The following SCMH1 variants were observed in gnomAD, a reference collection of about 807,000 sequenced individuals.
The protein encoded by SCMH1 is Scm polycomb group protein homolog 1.
Under a neutral mutation model 70.8 loss-of-function variants are expected in SCMH1, and 37 were observed. That is an observed-to-expected ratio of 0.52 (90% CI 0.40 to 0.69). The LOEUF is 0.69. Ranked by LOEUF, SCMH1 falls within the 30% of genes least tolerant of loss-of-function variation. The pLI is 0.00. For missense variants in SCMH1, 607 were observed against 827.3 expected, an observed-to-expected ratio of 0.73 and a Z score of 3.27; for synonymous variants, 292 against 307.4, an observed-to-expected ratio of 0.95 and a Z score of 0.52.
At chr1:41,072,261 G>A (rs1656805284) in intron 9 of SCMH1, among the ~76,000 whole-genome samples, 1 of 152,164 alleles carries the variant, frequency 6.6e-6, no homozygotes, top group Admixed American at 6.5e-5. Context: ...AATGAGTCAG[G>A]GAAGAAGGGA....
chr1:41,056,549 A>G (rs1479969139), intron 10 of SCMH1, among the ~76,000 whole-genome samples: 1 of 152,158 alleles, frequency 6.6e-6, no homozygotes, highest in Admixed American at 6.5e-5. Flanking sequence ...GGAAGTTGCC[A>G]CTCCATCCTA....
chr1:41,059,273 C>A (rs1381616252), intron 10 of SCMH1, among the ~76,000 whole-genome samples: 2 of 152,238 alleles, frequency 1.3e-5, no homozygotes, highest in African/African-American at 4.8e-5. Context: ...AACAGGCATT[C>A]CTGTTTTCGT....
chr1:41,046,588 G>A (rs144177539), exon 12 of SCMH1: 169 of 1,613,962 alleles, frequency 1.0e-4, no homozygotes, highest in Non-Finnish European at 1.3e-4. Flanking sequence ...GCTGTTCCCG[G>A]TCAAACACGG....
intron 1 of SCMH1, among the ~76,000 whole-genome samples, chr1:41,206,799 C>T (rs1294731896): frequency 6.6e-6 from 1 of 152,158 alleles, no homozygotes; most frequent in Non-Finnish European, 1.5e-5. Context: ...AGAGAAAGGT[C>T]GGGTTACCCA....
chr1:41,192,524 A>ACACACACACACACC (rs1491041164), intron 1 of SCMH1, among the ~76,000 whole-genome samples: 1 of 149,192 alleles, frequency 6.7e-6, no homozygotes, highest in Non-Finnish European at 1.5e-5. Context: ...ACACACACAC[A>ACACACACACACACC]CCACTTAGAA....
At chr1:41,090,910 G>T (rs1294979667) in intron 8 of SCMH1, among the ~76,000 whole-genome samples, 1 of 151,814 alleles carries the variant, frequency 6.6e-6, no homozygotes, top group Non-Finnish European at 1.5e-5. Context: ...GCAGTGGCGG[G>T]TGCCTGTAGT....
At chr1:41,087,614 C>T (rs993413069) in intron 8 of SCMH1, among the ~76,000 whole-genome samples, 1 of 151,758 alleles carries the variant, frequency 6.6e-6, no homozygotes, top group African/African-American at 2.4e-5. Flanking sequence ...TATTGAGAAA[C>T]CAGTTCTCAC....
At chr1:41,119,449 C>CA (rs71062577) in intron 6 of SCMH1, among the ~76,000 whole-genome samples, 149 of 67,946 alleles carry the variant, frequency 2.2e-3, no homozygotes, top group East Asian at 4.8e-3. Context: ...AAAAAAAAAA[C>CA]AAAAAAAAAA....
chr1:41,175,774 C>A (rs142090567), intron 2 of SCMH1, among the ~76,000 whole-genome samples: 262 of 152,234 alleles, frequency 1.7e-3, no homozygotes, highest in Admixed American at 2.9e-3. Context: ...AAGTGTTTGC[C>A]TTCTCTCCTG....
intron 11 of SCMH1, 41 bp downstream of exon 11, chr1:41,048,649 T>G (rs1647129862): frequency 6.4e-7 from 1 of 1,560,808 alleles, no homozygotes; most frequent in Non-Finnish European, 8.8e-7. Flanking sequence ...AGAAGGTGGG[T>G]CCTTCTGGCT....
At chr1:41,028,511 C>G (rs1644049104) in intron 14 of SCMH1, 73 bp downstream of exon 15, 1 of 1,584,298 alleles carries the variant, frequency 6.3e-7, no homozygotes, top group African/African-American at 1.3e-5. Context: ...CCTCCCCAAA[C>G]ATCTCGTATT....
At chr1:41,210,347 G>GA (rs1656709246) in intron 1 of SCMH1, among the ~76,000 whole-genome samples, 1 of 151,854 alleles carries the variant, frequency 6.6e-6, no homozygotes, top group Non-Finnish European at 1.5e-5. Context: ...TGCAAAATTG[G>GA]AAAAAAACTA....
At chr1:41,076,977 C>T (rs1056058848) in intron 8 of SCMH1, among the ~76,000 whole-genome samples, 1 of 151,888 alleles carries the variant, frequency 6.6e-6, no homozygotes, top group Non-Finnish European at 1.5e-5. Context: ...GTGAGAGGGA[C>T]GAGAGTAGAA....
chr1:41,126,462 C>T (rs567984619), intron 6 of SCMH1, among the ~76,000 whole-genome samples: 42 of 152,274 alleles, frequency 2.8e-4, no homozygotes, highest in African/African-American at 9.9e-4. Context: ...AAAAGCCTCA[C>T]TCTTATCCCA....
intron 8 of SCMH1, among the ~76,000 whole-genome samples, chr1:41,092,807 T>A (rs1480290220): frequency 1.3e-5 from 2 of 151,878 alleles, no homozygotes; most frequent in African/African-American, 4.8e-5. Context: ...GAAATGCAAA[T>A]CAAAACCACA....
intron 13 of SCMH1, 144 bp downstream of exon 14, chr1:41,033,839 G>A: frequency 8.9e-7 from 1 of 1,125,096 alleles, no homozygotes; most frequent in South Asian, 1.6e-5. Context: ...ACAGACTCAT[G>A]GTGGGTTTCC....
chr1:41,115,274 C>G (rs1455675796), intron 7 of SCMH1, among the ~76,000 whole-genome samples: 1 of 152,200 alleles, frequency 6.6e-6, no homozygotes, highest in Admixed American at 6.5e-5. Context: ...TTCAAATATT[C>G]CCTAGTGATT....
intron 8 of SCMH1, among the ~76,000 whole-genome samples, chr1:41,091,379 T>C (rs1050290265): frequency 7.2e-5 from 11 of 152,208 alleles, no homozygotes; most frequent in Non-Finnish European, 1.0e-4. Context: ...ATTGATGGGA[T>C]GTATCTCAAA....
intron 1 of SCMH1, among the ~76,000 whole-genome samples, chr1:41,216,439 T>C (rs544889192): frequency 6.6e-6 from 1 of 152,308 alleles, no homozygotes; most frequent in African/African-American, 2.4e-5. Context: ...CCACCAGGAC[T>C]CTTCTACCTT....
Sources: allele counts gnomAD v4.1 joint callset (sites outside exome capture counted in the v4.1 genomes callset), GRCh38; gene constraint gnomAD v4.1.1; transcripts MANE v1.5; gene names NCBI Gene and HGNC (gene_info 2026-07-23, HGNC 2026-07-21).